The following BMPR1B variants were observed in gnomAD, a reference collection of about 807,000 sequenced individuals.
The protein encoded by BMPR1B is bone morphogenetic protein receptor type 1B, also known as bone morphogenetic protein receptor type-1B.
In BMPR1B, 12 loss-of-function variants were observed where a neutral mutation model predicts 59.1. The ratio of observed to expected loss-of-function variants is 0.20; its 90% CI spans 0.13 to 0.33. BMPR1B has a LOEUF of 0.33. BMPR1B is among the 10% of genes least tolerant of loss of function. The pLI, the probability that BMPR1B is intolerant of heterozygous loss-of-function variation, is 1.00. For missense variants in BMPR1B, 550 were observed against 610.9 expected (o/e 0.90, Z 1.05); for synonymous variants, 237 against 207.3 (o/e 1.14, Z -1.23).
intron 1 of BMPR1B, among the ~76,000 whole-genome samples, chr4:94,868,394 C>T (rs1378401228): frequency 1.3e-5 from 2 of 152,134 alleles, no homozygotes; most frequent in East Asian, 1.9e-4. Flanking sequence ...TGGTCTTGAA[C>T]TCCTGACCTC....
intron 6 of BMPR1B, 116 bp from the exon 7 acceptor site, chr4:95,123,694 A>G: frequency 1.2e-6 from 1 of 801,306 alleles, no homozygotes; most frequent in East Asian, 2.5e-5. Flanking sequence ...GTATGTGAAA[A>G]GGATCTTTCA....
At chr4:95,007,071 A>T (rs987323027) in intron 3 of BMPR1B, among the ~76,000 whole-genome samples, 2 of 152,098 alleles carry the variant, frequency 1.3e-5, no homozygotes, top group African/African-American at 2.4e-5. Context: ...ATTTTAATAT[A>T]TTATTCTCAT....
intron 3 of BMPR1B, among the ~76,000 whole-genome samples, chr4:95,042,525 A>G (rs897386184): frequency 1.1e-4 from 16 of 152,224 alleles, no homozygotes; most frequent in Non-Finnish European, 2.2e-4. Flanking sequence ...CCCATCCCCA[A>G]GATATCTTAT....
intron 2 of BMPR1B, among the ~76,000 whole-genome samples, chr4:94,975,586 A>G (rs1731001272): frequency 6.6e-6 from 1 of 150,860 alleles, no homozygotes; most frequent in Non-Finnish European, 1.5e-5. Flanking sequence ...GCCATTCACC[A>G]TGTTGCCAAG....
rs1009508754 is a variant in BMPR1B, at chr4:94,951,514, G to T, written c.-112-44526G>T. Among the ~76,000 whole-genome samples the T allele has an allele frequency of 8.5e-5, 13 of 152,246 alleles. No individual in the cohort carries two copies. In the South Asian group the frequency reaches 1.0e-3, roughly 12 times the overall value. ...TTGAATTTAATCGAAGGCCTTTTCTGCATCTGTTGAGGTAATTACGTGCTT... is the reference window on the plus strand; with the variant it reads ...TTGAATTTAATCGAAGGCCTTTTCTTCATCTGTTGAGGTAATTACGTGCTT... On this transcript the variant is annotated intron_variant, in intron 2 of 12. Coordinates refer to ENST00000515059, the MANE Select transcript of BMPR1B (RefSeq NM_001203.3).
At chr4:94,780,796 C>T (rs1350091911) in intron 1 of BMPR1B, among the ~76,000 whole-genome samples, 20 of 149,122 alleles carry the variant, frequency 1.3e-4, no homozygotes, top group African/African-American at 5.0e-4. Flanking sequence ...TCACGCCATT[C>T]TCCTGCCTCA....
chr4:94,952,427 T>TG (rs1303909135), intron 2 of BMPR1B, among the ~76,000 whole-genome samples: 1 of 152,168 alleles, frequency 6.6e-6, no homozygotes, highest in Non-Finnish European at 1.5e-5. Context: ...AAACACTTCT[T>TG]TAGCTGTGTC....
chr4:95,110,116 A>G (rs1731524123), intron 4 of BMPR1B, among the ~76,000 whole-genome samples: 1 of 152,068 alleles, frequency 6.6e-6, no homozygotes, highest in East Asian at 1.9e-4. Flanking sequence ...TTAAAATTAT[A>G]CAGAGAGAAC....
chr4:94,839,907 C>T (rs1347473802), intron 1 of BMPR1B, among the ~76,000 whole-genome samples: 2 of 151,624 alleles, frequency 1.3e-5, no homozygotes, highest in Non-Finnish European at 1.5e-5. Flanking sequence ...ACCGGTTGTT[C>T]CTTTCCATGT....
At chr4:95,007,460 C>A (rs1274877954) in intron 3 of BMPR1B, among the ~76,000 whole-genome samples, 2 of 151,982 alleles carry the variant, frequency 1.3e-5, no homozygotes, top group East Asian at 3.9e-4. Flanking sequence ...GTTAGAAGAA[C>A]CTTTTTTCAA....
chr4:95,056,841 T>C (rs1392983286), intron 3 of BMPR1B, among the ~76,000 whole-genome samples: 1 of 152,246 alleles, frequency 6.6e-6, no homozygotes, highest in Non-Finnish European at 1.5e-5. Flanking sequence ...CTCACTCAGG[T>C]ACTTCACATA....
chr4:95,062,825 T>C (rs1332430738), intron 3 of BMPR1B, among the ~76,000 whole-genome samples: 1 of 152,160 alleles, frequency 6.6e-6, no homozygotes, highest in East Asian at 1.9e-4. Context: ...CAGGTAAAAT[T>C]GGTGTAGTAT....
At chr4:95,131,144 T>A in intron 9 of BMPR1B, 71 bp from the exon 10 acceptor site, 1 of 1,439,778 alleles carries the variant, frequency 6.9e-7, no homozygotes, top group Non-Finnish European at 9.6e-7. Context: ...CAAAGAATGA[T>A]GTTTGAGAAT....
chr4:94,863,054 T>G (rs942860647), intron 1 of BMPR1B, among the ~76,000 whole-genome samples: 3 of 151,784 alleles, frequency 2.0e-5, no homozygotes, highest in Admixed American at 6.6e-5. Context: ...AGGCAGAGGT[T>G]GCAGTGAGCC....
chr4:95,122,056 G>A (rs1025120340), intron 6 of BMPR1B, among the ~76,000 whole-genome samples: 1 of 152,092 alleles, frequency 6.6e-6, no homozygotes, highest in Non-Finnish European at 1.5e-5. Flanking sequence ...TTAAAAGTCA[G>A]GTTGTAGCTG....
At chr4:94,965,990 TG>T (rs1160928398) in intron 2 of BMPR1B, among the ~76,000 whole-genome samples, 2 of 152,170 alleles carry the variant, frequency 1.3e-5, no homozygotes, top group African/African-American at 4.8e-5. Context: ...TTAGAGAGAA[TG>T]GACATGCCAC....
intron 2 of BMPR1B, among the ~76,000 whole-genome samples, chr4:94,932,210 C>T (rs1729119172): frequency 6.6e-6 from 1 of 152,110 alleles, no homozygotes; most frequent in Admixed American, 6.6e-5. Flanking sequence ...AAGTGACTGC[C>T]ATAGTAACCA....
chr4:94,938,895 T>A (rs1578826045), intron 2 of BMPR1B, among the ~76,000 whole-genome samples: 1 of 150,816 alleles, frequency 6.6e-6, no homozygotes, highest in Non-Finnish European at 1.5e-5. Flanking sequence ...CCTGTAGTCC[T>A]AGCTACTTGA....
intron 3 of BMPR1B, among the ~76,000 whole-genome samples, chr4:95,039,495 A>T (rs993876911): frequency 6.7e-6 from 1 of 148,382 alleles, no homozygotes; most frequent in African/African-American, 2.5e-5. Context: ...AAAGTTTTCC[A>T]TGTGTAGAAT....
Sources: allele counts gnomAD v4.1 joint callset (sites outside exome capture counted in the v4.1 genomes callset), GRCh38; gene constraint gnomAD v4.1.1; transcripts MANE v1.5; gene names NCBI Gene and HGNC (gene_info 2026-07-23, HGNC 2026-07-21).